The following DNMBP variants were observed in gnomAD, a reference collection of about 807,000 sequenced individuals.
The protein encoded by DNMBP is dynamin binding protein, also known as dynamin-binding protein.
A neutral mutation model predicts 150.0 loss-of-function variants in DNMBP; 87 were observed. The observed-to-expected ratio is 0.58, with a 90% CI of 0.49 to 0.69. The LOEUF (loss-of-function observed/expected upper bound fraction) is 0.69. DNMBP is among the 30% of genes least tolerant of loss of function. The probability of loss-of-function intolerance (pLI) is 0.00; values close to 1 mark genes in which losing one functional copy is unlikely to be tolerated. For synonymous variants in DNMBP, 711 were observed against 750.4 expected, an observed-to-expected ratio of 0.95 and a Z score of 0.86; for missense variants, 1,774 against 1,949.0, an observed-to-expected ratio of 0.91 and a Z score of 1.69.
At chr10:99,969,281 C>A (rs1564749952) in intron 2 of DNMBP, 44 bp from the exon 3 acceptor site, 5 of 1,609,390 alleles carry the variant, frequency 3.1e-6, no homozygotes, top group Non-Finnish European at 4.2e-6. Flanking sequence ...ACTGAGATTT[C>A]TTTTCCCGTC....
At chr10:99,924,790 C>T (rs982345961) in intron 4 of DNMBP, among the ~76,000 whole-genome samples, 6 of 152,216 alleles carry the variant, frequency 3.9e-5, no homozygotes, top group African/African-American at 1.2e-4. Context: ...ATCTTGAATA[C>T]CAGAGTCCTA....
chr10:99,991,542 C>G (rs1319609407), intron 1 of DNMBP, among the ~76,000 whole-genome samples: 1 of 150,886 alleles, frequency 6.6e-6, no homozygotes, highest in Non-Finnish European at 1.5e-5. Context: ...TTGTGATTGG[C>G]TTCCTAGTAC....
chr10:99,995,876 GC>G (rs2133382488), intron 1 of DNMBP, among the ~76,000 whole-genome samples: 1 of 152,382 alleles, frequency 6.6e-6, no homozygotes, highest in East Asian at 1.9e-4. Flanking sequence ...CCCAGGTGCT[GC>G]CACGTCAGGC....
rs145781708 is a variant in DNMBP at position 99,918,008 on chromosome 10, T to C, written c.2261-8862A>G. Among the ~76,000 whole-genome samples, 665 of 148,132 alleles carry C rather than the reference T, an allele frequency of 4.5e-3. 6 individuals are homozygous for C. The highest frequency in any genetic ancestry group is 0.016 in the African/African-American group (635 of 40,302). On this transcript the variant is annotated intron_variant, in intron 4 of 16. Coordinates refer to ENST00000324109, the MANE Select transcript of DNMBP (RefSeq NM_015221.4). ...AAAAAAAAGAAAAGAAAGGAAAACATTGTTGAAATAATATGCAAAATAGAA... is the reference window on the plus strand; with the variant it reads ...AAAAAAAAGAAAAGAAAGGAAAACACTGTTGAAATAATATGCAAAATAGAA...
At chr10:99,964,645 C>T (rs1264640521) in intron 3 of DNMBP, among the ~76,000 whole-genome samples, 1 of 151,380 alleles carries the variant, frequency 6.6e-6, no homozygotes, top group Non-Finnish European at 1.5e-5. Context: ...TCGAGGCAGG[C>T]GGATTGCTTG....
At chr10:99,979,929 CA>C (rs1315135567) in intron 1 of DNMBP, among the ~76,000 whole-genome samples, 2 of 152,276 alleles carry the variant, frequency 1.3e-5, no homozygotes, top group Middle Eastern at 3.4e-3. Flanking sequence ...TTATTTCCTC[CA>C]TGGTCAGTCC....
chr10:99,928,568 G>A (rs577077507), intron 4 of DNMBP, among the ~76,000 whole-genome samples: 1 of 152,304 alleles, frequency 6.6e-6, no homozygotes, highest in African/African-American at 2.4e-5. Flanking sequence ...GCTCACTTAT[G>A]AGAACTGAAG....
intron 8 of DNMBP, 74 bp downstream of exon 8, chr10:99,898,669 C>T: frequency 6.7e-7 from 1 of 1,501,614 alleles, no homozygotes; most frequent in Non-Finnish European, 9.2e-7. Context: ...GAAGAAAATA[C>T]AGTTGCTTAA....
intron 1 of DNMBP, among the ~76,000 whole-genome samples, chr10:100,002,106 G>A (rs1478370866): frequency 6.6e-6 from 1 of 152,096 alleles, no homozygotes; most frequent in Non-Finnish European, 1.5e-5. Flanking sequence ...GAAAAAGGAG[G>A]GGTGATAGAA....
In DNMBP at chr10:99,948,856, G is replaced by A. The variant is rs181473677; in HGVS notation, c.2260+6358C>T. On this transcript the variant is annotated intron_variant, in intron 4 of 16. Coordinates refer to ENST00000324109, the MANE Select transcript of DNMBP (RefSeq NM_015221.4). ...CGGGCACCTGTAATTCCAGCTACTC[G>A]GGAGGCTAAGGCAGAAGAATCACTT... Among the ~76,000 whole-genome samples, 210 of 151,894 alleles carry A rather than the reference G, an allele frequency of 1.4e-3. 7 individuals are homozygous for A. The East Asian group carries it at 0.029, about 21-fold the overall frequency.
chr10:99,982,304 C>T (rs1487162133), intron 1 of DNMBP, among the ~76,000 whole-genome samples: 2 of 151,742 alleles, frequency 1.3e-5, no homozygotes, highest in African/African-American at 2.4e-5. Flanking sequence ...ATTAGCTGGG[C>T]GTGGTAGTGC....
chr10:99,922,668 C>A (rs989463490), intron 4 of DNMBP, among the ~76,000 whole-genome samples: 15 of 152,028 alleles, frequency 9.9e-5, no homozygotes, highest in African/African-American at 3.4e-4. Context: ...CAGGCACGCA[C>A]CACCATACCC....
chr10:99,965,199 G>A (rs1171708825), intron 3 of DNMBP, among the ~76,000 whole-genome samples: 1 of 152,044 alleles, frequency 6.6e-6, no homozygotes, highest in Non-Finnish European at 1.5e-5. Flanking sequence ...ATCACCCTGA[G>A]GTAGGTATTA....
rs111991798 is a variant in DNMBP at position 99,991,871 on chromosome 10, A to C, written c.-11+17967T>G. Among the ~76,000 whole-genome samples the C allele has an allele frequency of 7.4e-3, 1,093 of 147,616 alleles. 5 individuals carry two copies. The highest frequency in any genetic ancestry group is 0.012 in the South Asian group (57 of 4,684). Reference sequence around the variant, plus strand: ...CAGTGAGCCGAGATTGCACCACTGCACTCCTACCTGGGTGACAGAGCGAGA... The same window carrying C: ...CAGTGAGCCGAGATTGCACCACTGCCCTCCTACCTGGGTGACAGAGCGAGA... On this transcript the variant is annotated intron_variant, in intron 1 of 16. Transcript: ENST00000324109.
intron 1 of DNMBP, among the ~76,000 whole-genome samples, chr10:100,005,783 AACC>A (rs1275610035): frequency 2.3e-5 from 3 of 133,072 alleles, no homozygotes; most frequent in South Asian, 2.3e-4. Context: ...AAAAAAAAAA[AACC>A]AAACTACATA....
intron 1 of DNMBP, among the ~76,000 whole-genome samples, chr10:99,992,886 T>C (rs1431953566): frequency 6.6e-6 from 1 of 151,730 alleles, no homozygotes; most frequent in Non-Finnish European, 1.5e-5. Context: ...CTACAAAAAA[T>C]ACAAAAAATT....
intron 4 of DNMBP, among the ~76,000 whole-genome samples, chr10:99,919,702 G>A (rs990949318): frequency 2.0e-5 from 3 of 152,332 alleles, no homozygotes; most frequent in South Asian, 2.1e-4. Flanking sequence ...CAGGAGAATC[G>A]CTTGAACCTG....
At chr10:99,906,656 C>T (rs1322549899) in intron 6 of DNMBP, among the ~76,000 whole-genome samples, 1 of 152,142 alleles carries the variant, frequency 6.6e-6, no homozygotes, top group Non-Finnish European at 1.5e-5. Flanking sequence ...GAGGAAAGCC[C>T]AGGGAGAGGC....
At chr10:99,928,543 C>G (rs1166751282) in intron 4 of DNMBP, among the ~76,000 whole-genome samples, 1 of 152,124 alleles carries the variant, frequency 6.6e-6, no homozygotes, top group African/African-American at 2.4e-5. Context: ...ATAAAAATAA[C>G]ACAGTAGAAA....
Sources: gnomAD v4.1 joint callset for allele counts (sites outside exome capture counted in the v4.1 genomes callset) on GRCh38, gnomAD v4.1.1 for gene constraint, MANE v1.5 for transcripts, NCBI Gene and HGNC (gene_info 2026-07-23, HGNC 2026-07-21) for gene names.